Variants in PDGFC observed in about 807,000 individuals in gnomAD.
PDGFC encodes platelet derived growth factor C.
In PDGFC, 12 loss-of-function variants were observed where a neutral mutation model predicts 35.5. The ratio of observed to expected loss-of-function variants is 0.34; its 90% confidence interval spans 0.22 to 0.55. The LOEUF is 0.55. Ranked by LOEUF, PDGFC falls within the 20% of genes least tolerant of loss-of-function variation. The pLI, the probability that PDGFC is intolerant of heterozygous loss-of-function variation, is 0.91. For synonymous variants in PDGFC, 159 were observed against 148.8 expected, an observed-to-expected ratio of 1.07 and a Z score of -0.50; for missense variants, 322 against 412.4, an observed-to-expected ratio of 0.78 and a Z score of 1.90.
At chr4:156,920,988 T>C (rs1253418196) in intron 1 of PDGFC, among the ~76,000 whole-genome samples, 2 of 152,150 alleles carry the variant, frequency 1.3e-5, no homozygotes, top group African/African-American at 4.8e-5. Flanking sequence ...GAAAAATGGA[T>C]TGTTAACTGA....
intron 5 of PDGFC, among the ~76,000 whole-genome samples, chr4:156,767,334 A>G (rs1422123509): frequency 1.3e-5 from 2 of 152,144 alleles, no homozygotes; most frequent in African/African-American, 4.8e-5. Flanking sequence ...AATTATGAAT[A>G]TGTCATCTTA....
intron 4 of PDGFC, 44 bp downstream of exon 4, chr4:156,772,642 G>A (rs1293474586): frequency 1.6e-6 from 2 of 1,277,038 alleles, no homozygotes; most frequent in Admixed American, 1.8e-5. Context: ...AACATTAGCT[G>A]TTAAGAAAAT....
intron 3 of PDGFC, among the ~76,000 whole-genome samples, chr4:156,808,740 T>C (rs1731844133): frequency 6.6e-6 from 1 of 151,982 alleles, no homozygotes; most frequent in Non-Finnish European, 1.5e-5. Context: ...CATAACCACT[T>C]GTCAAATTCT....
chr4:156,847,256 C>T (rs369597907), intron 2 of PDGFC, among the ~76,000 whole-genome samples: 7 of 151,648 alleles, frequency 4.6e-5, no homozygotes, highest in East Asian at 1.9e-4. Flanking sequence ...TACCACCATA[C>T]GTAAGTGATC....
intron 1 of PDGFC, among the ~76,000 whole-genome samples, chr4:156,894,188 T>C (rs1195315673): frequency 6.6e-6 from 1 of 152,198 alleles, no homozygotes; most frequent in Non-Finnish European, 1.5e-5. Context: ...CATCCCCCTT[T>C]AGAGTTTTGA....
chr4:156,872,805 T>C (rs1308125001), intron 1 of PDGFC, among the ~76,000 whole-genome samples: 11 of 152,188 alleles, frequency 7.2e-5, no homozygotes, highest in Non-Finnish European at 1.5e-5. Context: ...AATTTATTTG[T>C]ATCCATAGTC....
chr4:156,796,402 T>C (rs542293026), intron 3 of PDGFC, among the ~76,000 whole-genome samples: 1 of 152,098 alleles, frequency 6.6e-6, no homozygotes, highest in African/African-American at 2.4e-5. Flanking sequence ...TATCAATGTC[T>C]GTTTCCAGGT....
intron 2 of PDGFC, among the ~76,000 whole-genome samples, chr4:156,849,860 T>C (rs1021506343): frequency 6.6e-6 from 1 of 152,096 alleles, no homozygotes; most frequent in Non-Finnish European, 1.5e-5. Flanking sequence ...GAAGGTCAAA[T>C]ATAAGATTTT....
chr4:156,964,469 A>AC (rs1732418197), intron 1 of PDGFC, among the ~76,000 whole-genome samples: 1 of 149,096 alleles, frequency 6.7e-6, no homozygotes, highest in Admixed American at 6.7e-5. Context: ...ACATATATAT[A>AC]CAGTATATAT....
intron 1 of PDGFC, among the ~76,000 whole-genome samples, chr4:156,901,592 T>A (rs1299017501): frequency 6.7e-6 from 1 of 149,708 alleles, no homozygotes; most frequent in African/African-American, 2.5e-5. Flanking sequence ...CGGGTATCTA[T>A]TTCATTATTA....
At chr4:156,816,103 A>G (rs922327882) in intron 2 of PDGFC, among the ~76,000 whole-genome samples, 7 of 152,186 alleles carry the variant, frequency 4.6e-5, no homozygotes, top group Non-Finnish European at 7.4e-5. Context: ...AGTAAACATA[A>G]TTGTCAGACA....
At chr4:156,942,374 A>C (rs74907048) in intron 1 of PDGFC, among the ~76,000 whole-genome samples, 11,906 of 152,152 alleles carry the variant, frequency 0.078, 1,485 homozygotes, top group African/African-American at 0.27. Context: ...GCATAGAATC[A>C]CTATAATTTA....
chr4:156,821,835 C>T (rs972331022), intron 2 of PDGFC, among the ~76,000 whole-genome samples: 9 of 152,088 alleles, frequency 5.9e-5, no homozygotes, highest in Non-Finnish European at 8.8e-5. Flanking sequence ...AGGCTTGAGC[C>T]ACCGTGCCTG....
At position 156,767,787 on chromosome 4, in the gene PDGFC, T is replaced by C; in HGVS notation, c.907A>G (p.Lys303Glu). The change falls in exon 5 of 6, where the codon AAA becomes GAA. Residue 303 changes from lysine to glutamate, a missense_variant. This residue lies in a region of PDGFC where 202 missense variants were observed against 295.9 expected (regional missense o/e 0.68). Transcript: ENST00000502773. ...ECQCVPSKVT[K>E]KYHEVLQLRP... ...TGTATACCTACCTCGTGGTATTTTT[T>C]AGTAACTTTGCTTGGGACACATTGA... is the stretch of plus-strand genomic sequence containing the variant. The C allele has an allele frequency of 6.2e-7, 1 of 1,610,616 alleles. No homozygotes were observed. Among genetic ancestry groups the C allele is most frequent in the South Asian group, 1.1e-5 (1 of 91,000 alleles).
At chr4:156,889,303 T>C (rs1481276310) in intron 1 of PDGFC, among the ~76,000 whole-genome samples, 2 of 152,194 alleles carry the variant, frequency 1.3e-5, no homozygotes, top group African/African-American at 4.8e-5. Flanking sequence ...TTTCTATTAA[T>C]ACCAACTTAA....
At position 156,844,620 on chromosome 4, in the gene PDGFC, G is replaced by T. The variant is rs113178223; in HGVS notation, c.314+5601C>A. Among the ~76,000 whole-genome samples the T allele has an allele frequency of 4.5e-3, 684 of 151,870 alleles. 4 individuals are homozygous for T. The highest frequency in any genetic ancestry group is 4.3e-3 in the Non-Finnish European group (292 of 67,846). The stretch of plus-strand genomic sequence containing the variant: ...ATACAAACAAGGACATAAGAAAGTT[G>T]AAAGTAAAAGAATGGAAAGAATGCC... On this transcript the variant is annotated intron_variant, in intron 2 of 5. Coordinates refer to ENST00000502773, the MANE Select transcript of PDGFC (RefSeq NM_016205.3).
chr4:156,970,702 G>A (rs552910642), intron 1 of PDGFC, 84 bp downstream of exon 1: 1 of 827,182 alleles, frequency 1.2e-6, no homozygotes, highest in African/African-American at 1.7e-5. Flanking sequence ...TCACAGTCTG[G>A]TATATATCAC....
rs956907748 is a variant in PDGFC at position 156,971,753 on chromosome 4, G to A, written c.-850C>T. ...CCCCGTCCCCTCCCCCCACGCCTCGGGCTCCGCGCTAACCTCGGGGCTACG... is the reference window on the plus strand; with the variant it reads ...CCCCGTCCCCTCCCCCCACGCCTCGAGCTCCGCGCTAACCTCGGGGCTACG... On this transcript the variant is annotated 5_prime_UTR_variant, in exon 1 of 6. Transcript: ENST00000502773. 4.0e-5 allele frequency among the ~76,000 whole-genome samples: 6 copies of A among 151,874 alleles called. No homozygotes were observed. Among genetic ancestry groups the A allele is most frequent in the Non-Finnish European group, 8.8e-5 (6 of 67,932 alleles).
At chr4:156,920,784 CCT>C (rs1731257660) in intron 1 of PDGFC, among the ~76,000 whole-genome samples, 1 of 151,904 alleles carries the variant, frequency 6.6e-6, no homozygotes, top group Non-Finnish European at 1.5e-5. Context: ...TAATTGCCAA[CCT>C]TTTTCTACTT....
Sources: gnomAD v4.1 joint callset for allele counts (sites outside exome capture counted in the v4.1 genomes callset) on GRCh38, gnomAD v4.1.1 for gene constraint, gnomAD v4.1.1 regional missense constraint, MANE v1.5 for transcripts, NCBI Gene and HGNC (gene_info 2026-07-23, HGNC 2026-07-21) for gene names.